Variants in FLNC observed in about 807,000 individuals in gnomAD.
The protein encoded by FLNC is filamin C, also known as filamin-C.
In FLNC, 91 loss-of-function variants were observed where a neutral mutation model predicts 254.3. The ratio of observed to expected loss-of-function variants is 0.36; its 90% CI spans 0.30 to 0.43. FLNC has a LOEUF of 0.43. Ranked by LOEUF, FLNC falls within the 20% of genes least tolerant of loss-of-function variation. The pLI, the probability that FLNC is intolerant of heterozygous loss-of-function variation, is 1.00. For synonymous variants in FLNC, 1,430 were observed against 1,577.2 expected (o/e 0.91, Z 2.21); for missense variants, 2,853 against 3,802.6 (o/e 0.75, Z 6.57).
chr7:128,841,214 G>C lies in FLNC; in HGVS notation c.1858G>C (p.Asp620His), dbSNP rs567514134. ...GPSQAKIECD[D>H]KGDGSCDVRY... ...CTCACAAGCCAAGATCGAATGTGAC[G>C]ACAAGGGGGATGGCTCCTGCGATGT... Residue 620 changes from aspartate to histidine, a missense_variant, in exon 12 of 48, where the codon GAC becomes CAC. Physicochemically the swap from Asp to His is moderately conservative, Grantham distance 81. Coordinates refer to ENST00000325888, the MANE Select transcript of FLNC (RefSeq NM_001458.5). This position sits in a 1 kb window ranked among gnomAD's most constrained non-coding sequence, Gnocchi z 4.3. 1.2e-6 allele frequency: 2 copies of C among 1,614,082 alleles called. No homozygotes were observed. Among genetic ancestry groups the C allele is most frequent in the Non-Finnish European group, 8.5e-7 (1 of 1,180,000 alleles).
Position 128,842,562 on chromosome 7 carries a change from A to G in FLNC, c.2266-13A>G. 1.3e-6 allele frequency: 2 copies of G among 1,548,086 alleles called. No individual in the cohort carries two copies. Among genetic ancestry groups the G allele is most frequent in the Non-Finnish European group, 1.7e-6 (2 of 1,146,566 alleles). On this transcript the variant is annotated splice_polypyrimidine_tract_variant and intron_variant, in intron 14 of 47. Transcript: ENST00000325888. This position sits in a 1 kb window ranked among gnomAD's most constrained non-coding sequence, Gnocchi z 5.4. ...AGGGAGGGCACCACGCTGAGCTGCG[A>G]CCCCTCCCGCAGGTGAACGTGGGCG...
chr7:128,832,972 C>A (rs79504514), intron 1 of FLNC, among the ~76,000 whole-genome samples: 2 of 152,152 alleles, frequency 1.3e-5, no homozygotes, highest in East Asian at 3.9e-4. Context: ...GTCTCAGCAC[C>A]GAAATCGAGC....
In FLNC at chr7:128,857,112, C is replaced by T. The variant is rs1450761866; in HGVS notation, c.7562-6C>T. Reference sequence around the variant, plus strand: ...TGCCCTCAGCCTTGCTACCTCTGGCCCCCAGGTGTGTCATCAGAGTTCATC... The same window carrying T: ...TGCCCTCAGCCTTGCTACCTCTGGCTCCCAGGTGTGTCATCAGAGTTCATC... On this transcript the variant is annotated splice_region_variant and splice_polypyrimidine_tract_variant and intron_variant, in intron 45 of 47. Coordinates refer to ENST00000325888, the MANE Select transcript of FLNC (RefSeq NM_001458.5). This position sits in a 1 kb window ranked among gnomAD's most constrained non-coding sequence, Gnocchi z 4.5. 2.5e-6 allele frequency: 4 copies of T among 1,613,654 alleles called. No individual in the cohort carries two copies. In the African/African-American group the frequency reaches 5.3e-5, roughly 22 times the overall value.
At chr7:128,844,309 G>T (rs149122601) in intron 20 of FLNC, 43 bp downstream of exon 20, 143 of 1,569,922 alleles carry the variant, frequency 9.1e-5, no homozygotes, top group Middle Eastern at 4.6e-4. Context: ...TTGGGGACTT[G>T]TTGGGAAGAT....
chr7:128,842,900 G>A lies in FLNC; in HGVS notation c.2496G>A (p.Lys832=), dbSNP rs1163683592. 1 of 1,614,066 alleles carries A rather than the reference G, an allele frequency of 6.2e-7. No individual in the cohort carries two copies. Among genetic ancestry groups the A allele is most frequent in the Non-Finnish European group, 8.5e-7 (1 of 1,180,026 alleles). The change falls in exon 16 of 48, where the codon AAG becomes AAA. Residue 832 remains lysine, a synonymous_variant. Coordinates refer to ENST00000325888, the MANE Select transcript of FLNC (RefSeq NM_001458.5). This position sits in a 1 kb window ranked among gnomAD's most constrained non-coding sequence, Gnocchi z 5.4. ...ATGACAACGACACCTTCACCGTCAA[G>A]TACACGCCACCAGGGGCGGGCCGCT... is the stretch of plus-strand genomic sequence containing the variant. ...IKNDNDTFTV[K]YTPPGAGRYT...
rs1159158206 is a variant in FLNC, at chr7:128,840,010, C to T, written c.1412-13C>T. 1 of 1,611,850 alleles carries T rather than the reference C, an allele frequency of 6.2e-7. No individual in the cohort carries two copies. Among genetic ancestry groups the T allele is most frequent in the Non-Finnish European group, 8.5e-7 (1 of 1,179,982 alleles). The stretch of plus-strand genomic sequence containing the variant: ...CCTCAGCACCCCCAACCTCCTTTCT[C>T]TTCCTCCCCTAGCCTGTAACCCCAA... On this transcript the variant is annotated splice_polypyrimidine_tract_variant and intron_variant, in intron 8 of 47. Transcript: ENST00000325888.
rs1276799647 is a variant in FLNC, at chr7:128,840,109, T to C, written c.1498T>C (p.Phe500Leu). The change falls in exon 9 of 48, where the codon TTT (phenylalanine) becomes CTT (leucine). Residue 500 changes from phenylalanine (F) to leucine (L), a missense_variant. Physicochemically the swap from Phe to Leu is conservative, Grantham distance 22. Coordinates refer to ENST00000325888, the MANE Select transcript of FLNC (RefSeq NM_001458.5). ...RVKEVADFKV[F>L]TKGAGSGELK... ...GAAAGAGGTGGCTGACTTCAAGGTG[T>C]TTACCAAGGGTGCCGGCAGCGGGGA... The C allele has an allele frequency of 6.2e-7, 1 of 1,614,096 alleles. No homozygotes were observed. Among genetic ancestry groups the C allele is most frequent in the Non-Finnish European group, 8.5e-7 (1 of 1,180,026 alleles).
intron 24 of FLNC, 90 bp from the exon 25 acceptor site, chr7:128,847,606 AG>A (rs1585162552): frequency 1.3e-6 from 2 of 1,484,576 alleles, no homozygotes; most frequent in East Asian, 4.5e-5. Flanking sequence ...GGCATTTCAA[AG>A]GCAGGGAAGG....
chr7:128,856,431 T>C lies in FLNC; in HGVS notation c.7252-87T>C. ...GGTGGCAGCAGCCTTTGGGCTGGGC[T>C]TACAGTGAGCACCGTGTGGGGCTTC... On this transcript the variant is annotated intron_variant, in intron 43 of 47. Coordinates refer to ENST00000325888, the MANE Select transcript of FLNC (RefSeq NM_001458.5). The surrounding 1 kb of genome is among the most constrained non-coding windows in gnomAD (Gnocchi z 5.9). 6.4e-7 allele frequency: 1 copy of C among 1,558,294 alleles called. No homozygotes were observed. The highest frequency in any genetic ancestry group is 1.1e-5 in the South Asian group (1 of 89,952).
chr7:128,840,444 C>T (rs1808281399), intron 9 of FLNC, 104 bp from the exon 10 acceptor site: 2 of 1,525,998 alleles, frequency 1.3e-6, no homozygotes, highest in South Asian at 2.3e-5. Flanking sequence ...CAGCACTGCC[C>T]TCGGGCTGGG....
chr7:128,849,694 C>T (rs771392588), intron 30 of FLNC, 116 bp downstream of exon 30: 6 of 1,382,558 alleles, frequency 4.3e-6, no homozygotes, highest in Non-Finnish European at 6.0e-6. Context: ...CTGAGGGCTC[C>T]TGGGGCCAGA....
chr7:128,853,478 G>C lies in FLNC; in HGVS notation c.6218G>C (p.Gly2073Ala), dbSNP rs922864783. The stretch of plus-strand genomic sequence containing the variant: ...CCTTGCTTTCCCCCAGGTTATGGGG[G>C]CTTGGGGCTGAGTATTGAAGGCCCA... ...IVDTRNAGYGGLGLSIEGPSK... is the reference protein window; with the variant it reads ...IVDTRNAGYGALGLSIEGPSK... Residue 2073 changes from glycine to alanine, a missense_variant, in exon 38 of 48, where the codon GGC becomes GCC. Physicochemically the swap from Gly to Ala is moderately conservative, Grantham distance 60. Coordinates refer to ENST00000325888, the MANE Select transcript of FLNC (RefSeq NM_001458.5). The C allele has an allele frequency of 6.2e-7, 1 of 1,613,894 alleles. No individual in the cohort carries two copies.
intron 19 of FLNC, 29 bp downstream of exon 19, chr7:128,843,942 T>C (rs1808447046): frequency 6.2e-7 from 1 of 1,613,106 alleles, no homozygotes; most frequent in Non-Finnish European, 8.5e-7. Flanking sequence ...ACCCTGGGAG[T>C]GAGGGGTATT....
In FLNC at chr7:128,835,381, G is replaced by A. The variant is rs370110008; in HGVS notation, c.408G>A (p.Thr136=). 8.7e-6 allele frequency: 14 copies of A among 1,613,918 alleles called. No individual in the cohort carries two copies. The African/African-American group carries it at 1.1e-4, about 12-fold the overall frequency. The change falls in exon 2 of 48, where the codon ACG becomes ACA. Residue 136 remains threonine, a synonymous_variant. Coordinates refer to ENST00000325888, the MANE Select transcript of FLNC (RefSeq NM_001458.5). This position sits in a 1 kb window ranked among gnomAD's most constrained non-coding sequence, Gnocchi z 5.3. ...AGCTGATCCTGGGCCTGATCTGGAC[G>A]CTGATCCTGCACTACTCCATCTCCA... ...NLKLILGLIW[T]LILHYSISMP...
At position 128,840,822 on chromosome 7, in the gene FLNC, C is replaced by T. The variant is rs763076781; in HGVS notation, c.1677-12C>T. ...ACTTCCTGGCATGGACACCAGCTCC[C>T]TCTCTGCCCAGCCCCTTTGAGGTAC... is the stretch of plus-strand genomic sequence containing the variant. On this transcript the variant is annotated splice_polypyrimidine_tract_variant and intron_variant, in intron 10 of 47. Transcript: ENST00000325888. The T allele has an allele frequency of 1.1e-5, 18 of 1,613,902 alleles. No individual in the cohort carries two copies. In the Admixed American group the frequency reaches 2.2e-4, roughly 19 times the overall value.
In FLNC at chr7:128,850,050, G is replaced by A. The variant is rs1053977049; in HGVS notation, c.5274G>A (p.Arg1758=). ...TGCGCCAGCCCTACGCTCCTCCCCG[G>A]CCCGGCGCCCGCCCCACACACTGGG... is the stretch of plus-strand genomic sequence containing the variant. ...PQLRQPYAPP[R]PGARPTHWAT... is the part of the protein sequence containing the mutation. Residue 1758 remains arginine (R), a synonymous_variant, in exon 31 of 48, where the codon CGG becomes CGA. Coordinates refer to ENST00000325888, the MANE Select transcript of FLNC (RefSeq NM_001458.5). 1.9e-6 allele frequency: 3 copies of A among 1,543,448 alleles called. No homozygotes were observed. Among genetic ancestry groups the A allele is most frequent in the Non-Finnish European group, 2.6e-6 (3 of 1,149,840 alleles).
rs777688219 is a variant in FLNC, at chr7:128,853,628, C to T, written c.6361+7C>T. 6.2e-7 allele frequency: 1 copy of T among 1,614,160 alleles called. No homozygotes were observed. Among genetic ancestry groups the T allele is most frequent in the South Asian group, 1.1e-5 (1 of 91,088 alleles). On this transcript the variant is annotated splice_region_variant and intron_variant, in intron 38 of 47. Coordinates refer to ENST00000325888, the MANE Select transcript of FLNC (RefSeq NM_001458.5). ...GCTGACAAGCACGTGCCTGGTAAGGCTCTGGGCAGAGGTCGGTGGCGAGAG... is the reference window on the plus strand; with the variant it reads ...GCTGACAAGCACGTGCCTGGTAAGGTTCTGGGCAGAGGTCGGTGGCGAGAG...
In FLNC at chr7:128,844,731, G is replaced by T. The variant is rs1258543242; in HGVS notation, c.3266G>T (p.Gly1089Val). ...GCGCCATTCTCCATCGACACCAAGG[G>T]GGCTGGCACAGGTGGCCTGGGGCTG... ...TPAPFSIDTK[G>V]AGTGGLGLTV... The change falls in exon 21 of 48, where the codon GGG becomes GTG. Residue 1089 changes from glycine (G) to valine (V), a missense_variant. By Grantham distance (109) the Gly-to-Val change is moderately radical. Transcript: ENST00000325888. 6.2e-7 allele frequency: 1 copy of T among 1,613,948 alleles called. No homozygotes were observed.
intron 42 of FLNC, 116 bp from the exon 43 acceptor site, chr7:128,855,083 G>C (rs757615243): frequency 1.3e-5 from 14 of 1,056,946 alleles, no homozygotes; most frequent in Non-Finnish European, 2.9e-6. Context: ...ACATGTGTCT[G>C]CCTCCAGATC....
Sources: allele counts gnomAD v4.1 joint callset (sites outside exome capture counted in the v4.1 genomes callset), GRCh38; gene constraint gnomAD v4.1.1; non-coding constraint Gnocchi (gnomAD v3.1); transcripts MANE v1.5; gene names NCBI Gene and HGNC (gene_info 2026-07-23, HGNC 2026-07-21).